Variants in CACNG3 observed in about 807,000 individuals in gnomAD.
The protein encoded by CACNG3 is voltage-dependent calcium channel gamma-3 subunit.
In CACNG3, 3 loss-of-function variants were observed where a neutral mutation model predicts 28.5. The ratio of observed to expected loss-of-function variants is 0.11; its 90% CI spans 0.05 to 0.27. CACNG3 has a LOEUF of 0.27. CACNG3 is among the 10% of genes least tolerant of loss of function. The probability of loss-of-function intolerance (pLI) is 1.00; values close to 1 mark genes in which losing one functional copy is unlikely to be tolerated. For synonymous variants in CACNG3, 174 were observed against 162.2 expected (o/e 1.07, Z -0.55); for missense variants, 236 against 414.4 (o/e 0.57, Z 3.74).
chr16:24,271,044 T>C (rs1227630892), intron 1 of CACNG3, among the ~76,000 whole-genome samples: 1 of 152,182 alleles, frequency 6.6e-6, no homozygotes, highest in Non-Finnish European at 1.5e-5. Context: ...GGCCGGGTCA[T>C]GTAGAGCCCT....
At chr16:24,298,718 A>T (rs187890783) in intron 1 of CACNG3, among the ~76,000 whole-genome samples, 1 of 152,142 alleles carries the variant, frequency 6.6e-6, no homozygotes, top group Admixed American at 6.5e-5. Context: ...CTGATCCAGG[A>T]TCCCATATTA....
At chr16:24,272,217 T>G (rs1012658441) in intron 1 of CACNG3, among the ~76,000 whole-genome samples, 2 of 152,166 alleles carry the variant, frequency 1.3e-5, no homozygotes, top group African/African-American at 4.8e-5. Context: ...TAAAACACTT[T>G]TTATAATATG....
At chr16:24,330,721 G>C (rs568253577) in intron 1 of CACNG3, among the ~76,000 whole-genome samples, 2 of 152,296 alleles carry the variant, frequency 1.3e-5, no homozygotes, top group South Asian at 4.2e-4. Context: ...AAGCAGCTAA[G>C]ACCCAGGACA....
At position 24,293,421 on chromosome 16, in the gene CACNG3, T is replaced by C. The variant is rs537386014; in HGVS notation, c.211+36456T>C. On this transcript the variant is annotated intron_variant, in intron 1 of 3. Coordinates refer to ENST00000005284, the MANE Select transcript of CACNG3 (RefSeq NM_006539.4). ...AAGAGCACAGACTTGGGAGCCACAC[T>C]GCCTACATTTGAATCTTGCCTCTCC... 3.3e-5 allele frequency among the ~76,000 whole-genome samples: 5 copies of C among 152,264 alleles called. No individual in the cohort carries two copies. In the East Asian group the frequency reaches 9.7e-4, roughly 29 times the overall value.
In CACNG3 at chr16:24,256,546, C is replaced by T; in HGVS notation, c.-209C>T. The T allele has an allele frequency of 1.7e-6, 1 of 576,830 alleles. No individual in the cohort carries two copies. The highest frequency in any genetic ancestry group is 3.1e-6 in the Non-Finnish European group (1 of 322,922). 35.7% of individuals were successfully genotyped at this position (576,830 alleles called of 1,614,324 possible). On this transcript the variant is annotated 5_prime_UTR_variant, in exon 1 of 4. Transcript: ENST00000005284. The surrounding 1 kb of genome is among the most constrained non-coding windows in gnomAD (Gnocchi z 4.6). ...CGGACCAACCCCCCGGAGCCTGCAC[C>T]CTTCCGAGGGCCATAGGCGACCCAG... is the stretch of plus-strand genomic sequence containing the variant.
intron 2 of CACNG3, among the ~76,000 whole-genome samples, chr16:24,348,348 C>T (rs1007783728): frequency 3.3e-5 from 5 of 151,974 alleles, no homozygotes; most frequent in Admixed American, 6.6e-5. Flanking sequence ...GGCTGCAGTG[C>T]CATTGCAGTG....
In CACNG3 at chr16:24,256,832, T is replaced by C. The variant is rs996640577; in HGVS notation, c.78T>C (p.Ile26=). 5 of 1,613,856 alleles carry C rather than the reference T, an allele frequency of 3.1e-6. No homozygotes were observed. Among genetic ancestry groups the C allele is most frequent in the Non-Finnish European group, 4.2e-6 (5 of 1,179,712 alleles). Residue 26 remains isoleucine (I), a synonymous_variant, in exon 1 of 4, where the codon ATT becomes ATC. Coordinates refer to ENST00000005284, the MANE Select transcript of CACNG3 (RefSeq NM_006539.4). This position sits in a 1 kb window ranked among gnomAD's most constrained non-coding sequence, Gnocchi z 4.6. ...TTGCCGCTTTTAGTTTAATGACCAT[T>C]GCAGTGGGCACGGACTACTGGTTAT... The part of the protein sequence containing the change: ...GAFAAFSLMT[I]AVGTDYWLYS...
chr16:24,329,628 T>C (rs1257863706), intron 1 of CACNG3, among the ~76,000 whole-genome samples: 1 of 152,226 alleles, frequency 6.6e-6, no homozygotes, highest in African/African-American at 2.4e-5. Context: ...CTGCATTACC[T>C]TTTTTAATGA....
intron 1 of CACNG3, among the ~76,000 whole-genome samples, chr16:24,321,887 TA>T (rs1285265069): frequency 6.6e-6 from 1 of 152,192 alleles, no homozygotes; most frequent in Non-Finnish European, 1.5e-5. Flanking sequence ...ATTGATAAAT[TA>T]AACATTATCA....
At chr16:24,337,409 C>T (rs1314598024) in intron 1 of CACNG3, among the ~76,000 whole-genome samples, 8 of 152,104 alleles carry the variant, frequency 5.3e-5, no homozygotes, top group Non-Finnish European at 1.2e-4. Context: ...CTGGGGCCCA[C>T]GCTGCTGAGA....
At chr16:24,289,662 C>T (rs1898940294) in intron 1 of CACNG3, among the ~76,000 whole-genome samples, 1 of 152,170 alleles carries the variant, frequency 6.6e-6, no homozygotes. Flanking sequence ...TGGGGTAGTC[C>T]ATGAAGGTAC....
chr16:24,321,814 A>C (rs945205668), intron 1 of CACNG3, among the ~76,000 whole-genome samples: 5 of 152,242 alleles, frequency 3.3e-5, no homozygotes, highest in Non-Finnish European at 7.3e-5. Flanking sequence ...AACTTTCATG[A>C]TGATATACTG....
In CACNG3 at chr16:24,257,368, G is replaced by GGAGAGAGAGA. The variant is rs71154293; in HGVS notation, c.211+454_211+463dup. 1.3e-4 allele frequency among the ~76,000 whole-genome samples: 7 copies of GGAGAGAGAGA among 52,862 alleles called. 1 individual carries two copies. The highest frequency in any genetic ancestry group is 6.0e-4 in the East Asian group (1 of 1,660). The allele number at this position is 52,862 out of a possible 152,430, so 34.7% of individuals were successfully genotyped here. A position where few individuals can be genotyped will look rare whatever the true frequency, so the allele number is the denominator to read the frequency against. ...GGGACAAGAGGAAAGAAGTGAGGGG[G>GGAGAGAGAGA]GAGAGAGAGAGAGAGAGAGAGAGAG... On this transcript the variant is annotated intron_variant, in intron 1 of 3. Transcript: ENST00000005284.
At position 24,326,170 on chromosome 16, in the gene CACNG3, TTTTC is replaced by T. The variant is rs1234800860; in HGVS notation, c.212-20560_212-20557del. Among the ~76,000 whole-genome samples the T allele has an allele frequency of 2.2e-4, 17 of 76,384 alleles. No homozygotes were observed. The Admixed American group carries it at 2.5e-3, about 11-fold the overall frequency. The allele number at this position is 76,384 out of a possible 152,430, so 50.1% of individuals were successfully genotyped here. On this transcript the variant is annotated intron_variant, in intron 1 of 3. Coordinates refer to ENST00000005284, the MANE Select transcript of CACNG3 (RefSeq NM_006539.4). ...ACATTTTTCTTTTTTGTTTTTTCTT[TTTTC>T]TTTTTTTTTTTTTTGAGATGGAGTT...
In CACNG3 at chr16:24,290,874, T is replaced by C. The variant is rs199797472; in HGVS notation, c.211+33909T>C. ...TGTAGATACACACAACTTTCCTTGA[T>C]ACCAAGATCAGATAGGGATGGCTTC... On this transcript the variant is annotated intron_variant, in intron 1 of 3. Transcript: ENST00000005284. Among the ~76,000 whole-genome samples the C allele has an allele frequency of 2.0e-5, 3 of 152,216 alleles. No homozygotes were observed. The East Asian group carries it at 5.8e-4, about 29-fold the overall frequency.
chr16:24,333,832 C>T (rs1417167304), intron 1 of CACNG3, among the ~76,000 whole-genome samples: 2 of 152,058 alleles, frequency 1.3e-5, no homozygotes, highest in East Asian at 3.9e-4. Flanking sequence ...CAGAGCAAGA[C>T]CCTATCTCTC....
intron 1 of CACNG3, among the ~76,000 whole-genome samples, chr16:24,300,442 G>T (rs1038825281): frequency 5.3e-5 from 8 of 150,288 alleles, no homozygotes; most frequent in Admixed American, 2.7e-4. Context: ...TTCTGATTCT[G>T]GGGGGGAAAC....
chr16:24,359,561 G>A (rs1338456152), intron 3 of CACNG3, among the ~76,000 whole-genome samples: 1 of 152,064 alleles, frequency 6.6e-6, no homozygotes, highest in Non-Finnish European at 1.5e-5. Flanking sequence ...ATAATGAGAA[G>A]TCCTATTCAA....
intron 1 of CACNG3, among the ~76,000 whole-genome samples, chr16:24,286,248 C>T (rs573638283): frequency 6.6e-6 from 1 of 152,118 alleles, no homozygotes; most frequent in African/African-American, 2.4e-5. Context: ...TTCTTATATA[C>T]TAGTGCTTTT....
Sources: gnomAD v4.1 joint callset for allele counts (sites outside exome capture counted in the v4.1 genomes callset) on GRCh38, gnomAD v4.1.1 for gene constraint, Gnocchi (gnomAD v3.1) non-coding constraint, MANE v1.5 for transcripts, NCBI Gene and HGNC (gene_info 2026-07-23, HGNC 2026-07-21) for gene names.